The following SPAG16 variants were observed in gnomAD, a reference collection of about 807,000 sequenced individuals.
SPAG16 encodes the protein sperm associated antigen 16, also known as sperm-associated antigen 16 protein.
Under a neutral mutation model 80.4 loss-of-function variants are expected in SPAG16, and 86 were observed. The ratio of observed to expected loss-of-function variants is 1.07; its 90% confidence interval spans 0.90 to 1.28. The LOEUF is 1.28. Among genes scored for constraint, SPAG16 ranks in the 50% most tolerant of loss-of-function variants. The probability of loss-of-function intolerance (pLI) is 0.00; values close to 1 mark genes in which losing one functional copy is unlikely to be tolerated. For synonymous variants in SPAG16, 294 were observed against 265.9 expected (o/e 1.11, Z -1.03); for missense variants, 870 against 765.3 (o/e 1.14, Z -1.61).
intron 10 of SPAG16, among the ~76,000 whole-genome samples, chr2:213,569,801 G>A (rs1344899589): frequency 1.5e-5 from 2 of 131,392 alleles, no homozygotes; most frequent in South Asian, 4.8e-4. Flanking sequence ...AATAGTTTCC[G>A]AAGGAATGGT....
intron 9 of SPAG16, among the ~76,000 whole-genome samples, chr2:213,429,910 A>G (rs2070185476): frequency 1.3e-5 from 2 of 152,360 alleles, no homozygotes; most frequent in South Asian, 4.1e-4. Flanking sequence ...AATTAGTGTA[A>G]TAACATAGGA....
chr2:213,469,482 T>A (rs559445615), intron 9 of SPAG16, among the ~76,000 whole-genome samples: 2 of 151,890 alleles, frequency 1.3e-5, no homozygotes, highest in African/African-American at 4.8e-5. Flanking sequence ...TTTCTGCAGC[T>A]GGTCATGTGG....
chr2:213,378,984 C>A (rs1230496056), intron 9 of SPAG16, among the ~76,000 whole-genome samples: 1 of 152,216 alleles, frequency 6.6e-6, no homozygotes, highest in Non-Finnish European at 1.5e-5. Context: ...CCAATCACCC[C>A]AGCCAAGACT....
At chr2:213,632,047 CA>C (rs1404449671) in intron 10 of SPAG16, among the ~76,000 whole-genome samples, 1 of 152,016 alleles carries the variant, frequency 6.6e-6, no homozygotes, top group Non-Finnish European at 1.5e-5. Context: ...GTAGGGATTG[CA>C]TTGAATCTGT....
chr2:213,976,562 G>T (rs952774641), intron 12 of SPAG16, among the ~76,000 whole-genome samples: 2 of 152,016 alleles, frequency 1.3e-5, no homozygotes, highest in African/African-American at 4.8e-5. Context: ...AAGAGTATTG[G>T]TGGGATGTAG....
At chr2:214,107,740 C>A (rs1029963151) in intron 13 of SPAG16, among the ~76,000 whole-genome samples, 1 of 152,096 alleles carries the variant, frequency 6.6e-6, no homozygotes, top group Non-Finnish European at 1.5e-5. Context: ...AATGTTAATG[C>A]TGAACTGTGA....
chr2:213,956,055 T>G (rs1241891245), intron 12 of SPAG16, among the ~76,000 whole-genome samples: 1 of 151,982 alleles, frequency 6.6e-6, no homozygotes. Flanking sequence ...CCTCCCAGGT[T>G]CAAGCAATTC....
At chr2:213,678,272 G>C (rs893611207) in intron 10 of SPAG16, among the ~76,000 whole-genome samples, 1 of 152,098 alleles carries the variant, frequency 6.6e-6, no homozygotes, top group African/African-American at 2.4e-5. Context: ...TAAAATCAGA[G>C]CAGAACTGAA....
intron 10 of SPAG16, among the ~76,000 whole-genome samples, chr2:213,777,615 G>A (rs2069682367): frequency 1.3e-5 from 2 of 152,018 alleles, no homozygotes; most frequent in African/African-American, 4.8e-5. Context: ...CACCTTGTTC[G>A]CCGGGATGGT....
intron 12 of SPAG16, among the ~76,000 whole-genome samples, chr2:214,005,844 C>A (rs964615063): frequency 2.0e-5 from 3 of 152,066 alleles, no homozygotes; most frequent in African/African-American, 7.2e-5. Context: ...ATATATAAAC[C>A]TTTACAGAAA....
At chr2:213,617,755 G>T (rs954579279) in intron 10 of SPAG16, among the ~76,000 whole-genome samples, 12 of 152,180 alleles carry the variant, frequency 7.9e-5, no homozygotes, top group Non-Finnish European at 1.2e-4. Flanking sequence ...TGAGGCTGCA[G>T]TGAGCCATGA....
intron 14 of SPAG16, among the ~76,000 whole-genome samples, chr2:214,118,240 A>C (rs2054039615): frequency 6.6e-6 from 1 of 152,244 alleles, no homozygotes; most frequent in African/African-American, 2.4e-5. Flanking sequence ...GCCCATTTAC[A>C]ATAACTACAA....
chr2:214,001,720 A>G (rs967496432), intron 12 of SPAG16, among the ~76,000 whole-genome samples: 1 of 152,142 alleles, frequency 6.6e-6, no homozygotes, highest in African/African-American at 2.4e-5. Context: ...TCAAACCTAA[A>G]CTCTGTAAAA....
intron 10 of SPAG16, among the ~76,000 whole-genome samples, chr2:213,717,155 CATTT>C (rs2066272936): frequency 1.4e-5 from 2 of 139,164 alleles, no homozygotes; most frequent in African/African-American, 2.6e-5. Context: ...AGAAACTTTT[CATTT>C]TTTTTTTTTT....
intron 15 of SPAG16, among the ~76,000 whole-genome samples, chr2:214,266,621 G>A (rs1691593342): frequency 1.3e-5 from 2 of 151,746 alleles, no homozygotes; most frequent in South Asian, 4.2e-4. Context: ...GAAATAAAAG[G>A]TATCCAAACA....
intron 15 of SPAG16, among the ~76,000 whole-genome samples, chr2:214,168,180 T>C (rs2056738259): frequency 6.6e-6 from 1 of 151,644 alleles, no homozygotes; most frequent in Non-Finnish European, 1.5e-5. Flanking sequence ...TTTGTAGAGA[T>C]GGAAATTCAC....
chr2:213,979,310 T>C (rs2045575295), intron 12 of SPAG16, among the ~76,000 whole-genome samples: 1 of 152,092 alleles, frequency 6.6e-6, no homozygotes, highest in South Asian at 2.1e-4. Context: ...AATGTTTGTC[T>C]CAGGGAAATT....
intron 12 of SPAG16, among the ~76,000 whole-genome samples, chr2:213,960,254 A>T (rs2044344811): frequency 6.6e-6 from 1 of 151,986 alleles, no homozygotes; most frequent in African/African-American, 2.4e-5. Context: ...CATTGTGTTC[A>T]ACATTGTTTT....
intron 11 of SPAG16, among the ~76,000 whole-genome samples, chr2:213,867,263 A>G (rs2372299): frequency 0.59 from 90,391 of 152,064 alleles, 28,748 homozygotes; most frequent in South Asian, 0.85. Flanking sequence ...TAGCTGTTGA[A>G]AGTGATTCAT....
Sources: gnomAD v4.1 joint callset for allele counts (sites outside exome capture counted in the v4.1 genomes callset) on GRCh38, gnomAD v4.1.1 for gene constraint, MANE v1.5 for transcripts, NCBI Gene and HGNC (gene_info 2026-07-23, HGNC 2026-07-21) for gene names.